KCNIP4: variants seen among roughly 807,000 people sequenced by gnomAD.
The protein encoded by KCNIP4 is Kv channel-interacting protein 4.
In KCNIP4, 12 loss-of-function variants were observed where a neutral mutation model predicts 34.0. The ratio of observed to expected loss-of-function variants is 0.35; its 90% CI spans 0.23 to 0.57. The LOEUF is 0.57. KCNIP4 is among the 20% of genes least tolerant of loss of function. The pLI is 0.83. For missense variants in KCNIP4, 238 were observed against 311.7 expected (o/e 0.76, Z 1.78); for synonymous variants, 124 against 102.2 (o/e 1.21, Z -1.29).
At chr4:20,734,064 T>C (rs1749012171) in intron 6 of KCNIP4, among the ~76,000 whole-genome samples, 1 of 152,186 alleles carries the variant, frequency 6.6e-6, no homozygotes. Context: ...TTCAACCCCA[T>C]TTGCAGCCTG....
intron 1 of KCNIP4, among the ~76,000 whole-genome samples, chr4:21,920,404 T>C (rs1445379603): frequency 6.6e-6 from 1 of 152,156 alleles, no homozygotes; most frequent in Non-Finnish European, 1.5e-5. Context: ...TTAGAGATTA[T>C]GAGTACTCCA....
intron 1 of KCNIP4, among the ~76,000 whole-genome samples, chr4:21,298,617 TTCTG>T (rs1195947770): frequency 1.3e-5 from 2 of 152,112 alleles, no homozygotes; most frequent in Admixed American, 6.6e-5. Flanking sequence ...GAATAAACAT[TTCTG>T]TCTATTTTCT....
chr4:21,575,187 G>T (rs999544545), intron 1 of KCNIP4, among the ~76,000 whole-genome samples: 1 of 151,702 alleles, frequency 6.6e-6, no homozygotes, highest in Admixed American at 6.6e-5. Context: ...AAAGGTGACA[G>T]CTGGGTAGCC....
chr4:21,557,498 T>C, intron 1 of KCNIP4, among the ~76,000 whole-genome samples: 1 of 152,168 alleles, frequency 6.6e-6, no homozygotes. Context: ...GGTGATTTTA[T>C]GAAAACATTG....
rs111860158 is a variant in KCNIP4, at chr4:21,023,103, T to C, written c.62-140394A>G. ...CTCCCAAAGTGCTGGGATAAGTTTT[T>C]ATCCCATAATTACCCCATAAAATTT... On this transcript the variant is annotated intron_variant, in intron 1 of 8. Transcript: ENST00000382152. Among the ~76,000 whole-genome samples the C allele has an allele frequency of 1.9e-3, 296 of 152,202 alleles. 1 individual carries two copies. The highest frequency in any genetic ancestry group is 6.7e-3 in the African/African-American group (280 of 41,546).
At chr4:20,873,193 C>G (rs867958516) in intron 2 of KCNIP4, among the ~76,000 whole-genome samples, 3 of 152,142 alleles carry the variant, frequency 2.0e-5, no homozygotes, top group Admixed American at 6.6e-5. Context: ...AGACACTAAG[C>G]TTTGGTATTA....
intron 1 of KCNIP4, among the ~76,000 whole-genome samples, chr4:21,683,275 A>C (rs1750530560): frequency 6.6e-6 from 1 of 151,978 alleles, no homozygotes; most frequent in Non-Finnish European, 1.5e-5. Flanking sequence ...CTTGTTACTG[A>C]ACAATTACAC....
intron 1 of KCNIP4, among the ~76,000 whole-genome samples, chr4:21,010,892 G>T (rs1456736656): frequency 6.6e-6 from 1 of 152,070 alleles, no homozygotes; most frequent in Non-Finnish European, 1.5e-5. Context: ...CATACTAATT[G>T]ATGCTACCAC....
At chr4:21,437,220 T>A (rs1411029148) in intron 1 of KCNIP4, among the ~76,000 whole-genome samples, 1 of 152,210 alleles carries the variant, frequency 6.6e-6, no homozygotes. Flanking sequence ...CCTCTCTCAC[T>A]ACATTGTTTC....
At chr4:21,427,541 C>G (rs1340001588) in intron 1 of KCNIP4, among the ~76,000 whole-genome samples, 1 of 152,102 alleles carries the variant, frequency 6.6e-6, no homozygotes, top group Non-Finnish European at 1.5e-5. Flanking sequence ...GGATACCCTG[C>G]AGGGAGCAGG....
At chr4:20,761,582 G>A (rs1435632603) in intron 3 of KCNIP4, among the ~76,000 whole-genome samples, 2 of 152,150 alleles carry the variant, frequency 1.3e-5, no homozygotes, top group Non-Finnish European at 2.9e-5. Context: ...CAGGTGGCAA[G>A]CTTGTGCAAA....
intron 1 of KCNIP4, among the ~76,000 whole-genome samples, chr4:21,365,849 C>A (rs551451047): frequency 6.6e-6 from 1 of 152,288 alleles, no homozygotes; most frequent in East Asian, 1.9e-4. Context: ...TCATATCTGT[C>A]TACCAAACTC....
intron 2 of KCNIP4, among the ~76,000 whole-genome samples, chr4:20,872,036 G>T (rs1184012441): frequency 6.6e-6 from 1 of 152,092 alleles, no homozygotes; most frequent in East Asian, 1.9e-4. Flanking sequence ...TCATAGCGAT[G>T]AATCCACATA....
chr4:20,763,347 G>T (rs564450561), intron 3 of KCNIP4, among the ~76,000 whole-genome samples: 65 of 152,270 alleles, frequency 4.3e-4, no homozygotes, highest in African/African-American at 1.5e-3. Flanking sequence ...ACAATCTTGG[G>T]TGAGTGTACA....
At chr4:21,806,703 A>C (rs2109262258) in intron 1 of KCNIP4, among the ~76,000 whole-genome samples, 1 of 152,306 alleles carries the variant, frequency 6.6e-6, no homozygotes. Context: ...TAAAAAAACA[A>C]ATCAGAAGTT....
At chr4:21,890,135 A>C (rs1459793517) in intron 1 of KCNIP4, among the ~76,000 whole-genome samples, 1 of 152,150 alleles carries the variant, frequency 6.6e-6, no homozygotes, top group Non-Finnish European at 1.5e-5. Flanking sequence ...ACCTGTCTTA[A>C]TGCACCGTAT....
At chr4:21,469,536 C>A (rs1293927597) in intron 1 of KCNIP4, among the ~76,000 whole-genome samples, 1 of 152,098 alleles carries the variant, frequency 6.6e-6, no homozygotes, top group Non-Finnish European at 1.5e-5. Context: ...AAAATATTAT[C>A]CTTTCCTTTC....
At chr4:21,059,119 G>A (rs555582017) in intron 1 of KCNIP4, among the ~76,000 whole-genome samples, 17 of 152,146 alleles carry the variant, frequency 1.1e-4, no homozygotes, top group African/African-American at 3.6e-4. Flanking sequence ...GAACTGAGCC[G>A]ATTAAACCTC....
At chr4:21,567,727 C>T (rs1740023371) in intron 1 of KCNIP4, among the ~76,000 whole-genome samples, 1 of 152,084 alleles carries the variant, frequency 6.6e-6, no homozygotes, top group Non-Finnish European at 1.5e-5. Flanking sequence ...TTCCATTCCC[C>T]ACCCAAATAG....
Sources: allele counts gnomAD v4.1 joint callset (sites outside exome capture counted in the v4.1 genomes callset), GRCh38; gene constraint gnomAD v4.1.1; transcripts MANE v1.5; gene names NCBI Gene and HGNC (gene_info 2026-07-23, HGNC 2026-07-21).